The following XYLT1 variants were observed in gnomAD, a reference collection of about 807,000 sequenced individuals.
The protein encoded by XYLT1 is xylosyltransferase 1, also known as beta-D-xylosyltransferase 1.
A neutral mutation model predicts 91.3 loss-of-function variants in XYLT1; 36 were observed. The observed-to-expected ratio is 0.39, with a 90% CI of 0.30 to 0.52. XYLT1 has a LOEUF of 0.52. Ranked by LOEUF, XYLT1 falls within the 20% of genes least tolerant of loss-of-function variation. The pLI is 0.68. For missense variants in XYLT1, 1,242 were observed against 1,284.5 expected, an observed-to-expected ratio of 0.97 and a Z score of 0.51; for synonymous variants, 588 against 532.0, an observed-to-expected ratio of 1.11 and a Z score of -1.45.
intron 5 of XYLT1, among the ~76,000 whole-genome samples, chr16:17,187,870 A>G (rs1045329561): frequency 1.6e-4 from 24 of 151,818 alleles, no homozygotes; most frequent in Admixed American, 8.5e-4. Flanking sequence ...TCTTCCTCTA[A>G]TCCTCTGGCT....
intron 3 of XYLT1, among the ~76,000 whole-genome samples, chr16:17,201,886 G>C (rs1335131863): frequency 2.0e-5 from 3 of 152,108 alleles, no homozygotes; most frequent in Non-Finnish European, 2.9e-5. Context: ...CATTGCCAAG[G>C]GGGGATGAGG....
At position 17,470,579 on chromosome 16, in the gene XYLT1, T is replaced by C; in HGVS notation, c.218A>G (p.Glu73Gly). 2 of 1,194,626 alleles carry C rather than the reference T, an allele frequency of 1.7e-6. No homozygotes were observed. Among genetic ancestry groups the C allele is most frequent in the Non-Finnish European group, 2.1e-6 (2 of 965,630 alleles). 74.0% of individuals were successfully genotyped at this position (1,194,626 alleles called of 1,614,324 possible). A position where few individuals can be genotyped will look rare whatever the true frequency, so the allele number is the denominator to read the frequency against. Residue 73 changes from glutamate to glycine, a missense_variant, in exon 1 of 12, where the codon GAG becomes GGG. Glu to Gly is a moderately conservative substitution (Grantham distance 98). This residue lies in a region of XYLT1 where 437 missense variants were observed against 411.5 expected (regional missense o/e 1.06). Transcript: ENST00000261381. ...TCCTCCTCCTCGGGCTGCAGCCGGC[T>C]CGGCGGGCAGGTCCCGGCGCTCCCG... ...PRRERRDLPA[E>G]PAAARGGGGG... is the part of the protein sequence containing the mutation.
intron 3 of XYLT1, among the ~76,000 whole-genome samples, chr16:17,248,840 C>T (rs1352499429): frequency 2.0e-5 from 3 of 151,526 alleles, no homozygotes; most frequent in Non-Finnish European, 4.4e-5. Context: ...CTCCTCCTCC[C>T]GGGCTAAAGC....
rs2029893737 is a variant in XYLT1, at chr16:17,117,830, G to A, written c.2373C>T (p.Ile791=). ...TVIWVDPVNV[I]AATYDILIES... ...CAATGAGGATGTCGTAGGTGGCTGC[G>A]ATGACATTGACGGGATCCACCCAAA... The change falls in exon 11 of 12, where the codon ATC becomes ATT. Residue 791 remains isoleucine, a synonymous_variant. Transcript: ENST00000261381. 3.1e-6 allele frequency: 5 copies of A among 1,614,012 alleles called. No individual in the cohort carries two copies. The highest frequency in any genetic ancestry group is 1.1e-5 in the South Asian group (1 of 91,084).
At chr16:17,110,485 G>A (rs879883940) in intron 11 of XYLT1, among the ~76,000 whole-genome samples, 1 of 152,152 alleles carries the variant, frequency 6.6e-6, no homozygotes, top group Non-Finnish European at 1.5e-5. Context: ...GCCTGCCACC[G>A]TGTAAGATGT....
At chr16:17,449,935 A>G (rs558564826) in intron 1 of XYLT1, among the ~76,000 whole-genome samples, 160 of 152,346 alleles carry the variant, frequency 1.1e-3, no homozygotes, top group African/African-American at 3.7e-3. Context: ...GGAAACAAAA[A>G]TATTTACTGA....
intron 5 of XYLT1, among the ~76,000 whole-genome samples, chr16:17,188,126 C>T (rs1485227489): frequency 2.0e-5 from 3 of 151,396 alleles, no homozygotes; most frequent in Non-Finnish European, 2.9e-5. Flanking sequence ...CCTTCTAGGA[C>T]ACCTGCTTCT....
chr16:17,436,451 T>A (rs536347768), intron 1 of XYLT1, among the ~76,000 whole-genome samples: 2 of 152,202 alleles, frequency 1.3e-5, no homozygotes, highest in Non-Finnish European at 2.9e-5. Context: ...ATCTCAGCAC[T>A]ACCACCGTGG....
At chr16:17,200,729 G>A in intron 3 of XYLT1, 75 bp from the exon 4 acceptor site, 1 of 1,541,748 alleles carries the variant, frequency 6.5e-7, no homozygotes, top group Non-Finnish European at 8.9e-7. Flanking sequence ...AAGTTTCTCT[G>A]GTGCTTCTTT....
intron 2 of XYLT1, among the ~76,000 whole-genome samples, chr16:17,346,769 A>C (rs2035149609): frequency 6.6e-6 from 1 of 152,124 alleles, no homozygotes; most frequent in African/African-American, 2.4e-5. Context: ...TATAGCTGGA[A>C]GTTCCTTCTT....
chr16:17,250,091 T>C (rs1046833447), intron 3 of XYLT1: 1 of 152,248 alleles, frequency 6.6e-6, no homozygotes, highest in Non-Finnish European at 1.5e-5. Flanking sequence ...GGCTATTCAC[T>C]TGTCACCTCT....
At chr16:17,323,141 T>C (rs181999100) in intron 2 of XYLT1, among the ~76,000 whole-genome samples, 195 of 152,356 alleles carry the variant, frequency 1.3e-3, no homozygotes, top group Non-Finnish European at 2.2e-3. Flanking sequence ...CTCTGCTTCA[T>C]GGTGGCTGGT....
intron 10 of XYLT1, 102 bp from the exon 11 acceptor site, chr16:17,118,081 T>A: frequency 8.1e-7 from 1 of 1,232,014 alleles, no homozygotes; most frequent in East Asian, 2.5e-5. Context: ...ATACCCATTT[T>A]ACAGATGAAG....
At chr16:17,353,601 C>A (rs1482796104) in intron 2 of XYLT1, among the ~76,000 whole-genome samples, 3 of 152,200 alleles carry the variant, frequency 2.0e-5, no homozygotes, top group Non-Finnish European at 4.4e-5. Context: ...GACAAACTGT[C>A]AAAGATAACT....
chr16:17,397,560 CTA>C lies in XYLT1; in HGVS notation c.364-39512_364-39511del, dbSNP rs533216291. Among the ~76,000 whole-genome samples the C allele has an allele frequency of 5.0e-4, 76 of 152,266 alleles. 2 individuals are homozygous for C. In the South Asian group the frequency reaches 0.013, roughly 27 times the overall value. On this transcript the variant is annotated intron_variant, in intron 1 of 11. Transcript: ENST00000261381. ...GAACCTTTTCATTCCCCCCTTTACT[CTA>C]TGTCTACAGCCTCTGCTCTGATGCT... is the stretch of plus-strand genomic sequence containing the variant.
chr16:17,337,629 C>A (rs7202302), intron 2 of XYLT1, among the ~76,000 whole-genome samples: 23,592 of 152,112 alleles, frequency 0.16, 2,281 homozygotes, highest in African/African-American at 0.28. Flanking sequence ...TCTCCCTAGC[C>A]ACCTGCTCCT....
chr16:17,377,050 G>A (rs1434081107), intron 1 of XYLT1, among the ~76,000 whole-genome samples: 1 of 151,676 alleles, frequency 6.6e-6, no homozygotes, highest in Non-Finnish European at 1.5e-5. Context: ...GGTGGCACAT[G>A]CCTGTAATCT....
In XYLT1 at chr16:17,470,711, G is replaced by T. The variant is rs1459608461; in HGVS notation, c.86C>A (p.Thr29Lys). The T allele has an allele frequency of 3.4e-6, 4 of 1,166,678 alleles. No homozygotes were observed. The highest frequency in any genetic ancestry group is 4.3e-6 in the Non-Finnish European group (4 of 927,228). 72.3% of individuals were successfully genotyped at this position (1,166,678 alleles called of 1,614,324 possible). Residue 29 changes from threonine to lysine, a missense_variant, in exon 1 of 12, where the codon ACG becomes AAG. Physicochemically the swap from Thr to Lys is moderately conservative, Grantham distance 78 (BLOSUM62 -1). This residue lies in a region of XYLT1 where 437 missense variants were observed against 411.5 expected (regional missense o/e 1.06). Transcript: ENST00000261381. Reference protein sequence around the residue: ...LAALTVLLLQTLVVWNFSSLD... With the variant: ...LAALTVLLLQKLVVWNFSSLD... Reference sequence around the variant, plus strand: ...GCTGCTGAAATTCCACACGACCAGCGTCTGCAGCAGCAGCACCGTGAGCGC... The same window carrying T: ...GCTGCTGAAATTCCACACGACCAGCTTCTGCAGCAGCAGCACCGTGAGCGC...
At chr16:17,419,397 A>G (rs1333339714) in intron 1 of XYLT1, among the ~76,000 whole-genome samples, 1 of 151,826 alleles carries the variant, frequency 6.6e-6, no homozygotes, top group Non-Finnish European at 1.5e-5. Flanking sequence ...TCATTGACAT[A>G]GCTCAGGGGT....
Sources: gnomAD v4.1 joint callset for allele counts (sites outside exome capture counted in the v4.1 genomes callset) on GRCh38, gnomAD v4.1.1 for gene constraint, gnomAD v4.1.1 regional missense constraint, MANE v1.5 for transcripts, NCBI Gene and HGNC (gene_info 2026-07-23, HGNC 2026-07-21) for gene names.